Variants in SYN3 observed in about 807,000 individuals in gnomAD.
The protein encoded by SYN3 is synapsin III.
Under a neutral mutation model 65.8 loss-of-function variants are expected in SYN3, and 35 were observed. The ratio of observed to expected loss-of-function variants is 0.53; its 90% CI spans 0.41 to 0.70. The LOEUF (loss-of-function observed/expected upper bound fraction) is 0.70, where lower values mean the gene tolerates loss of function less well. SYN3 is among the 30% of genes least tolerant of loss of function. The probability of loss-of-function intolerance (pLI) is 0.00; values close to 1 mark genes in which losing one functional copy is unlikely to be tolerated. For synonymous variants in SYN3, 270 were observed against 292.9 expected (o/e 0.92, Z 0.80); for missense variants, 680 against 749.0 (o/e 0.91, Z 1.08).
At chr22:32,596,184 T>G (rs1268963674) in intron 7 of SYN3, among the ~76,000 whole-genome samples, 2 of 152,140 alleles carry the variant, frequency 1.3e-5, no homozygotes, top group Non-Finnish European at 2.9e-5. Context: ...GTTGAAAGTT[T>G]CCTGAGGCCT....
intron 6 of SYN3, among the ~76,000 whole-genome samples, chr22:32,832,532 T>A (rs1776932049): frequency 6.7e-6 from 1 of 148,554 alleles, no homozygotes; most frequent in African/African-American, 2.5e-5. Context: ...TTCTACGTAA[T>A]AAGCCTGGGT....
intron 6 of SYN3, among the ~76,000 whole-genome samples, chr22:32,651,402 C>T (rs190680514): frequency 1.3e-5 from 2 of 152,194 alleles, no homozygotes; most frequent in East Asian, 1.9e-4. Context: ...AGGAGGTCTC[C>T]AGCTGGCCTC....
intron 6 of SYN3, among the ~76,000 whole-genome samples, chr22:32,805,230 G>A (rs1246698371): frequency 2.0e-5 from 3 of 152,166 alleles, no homozygotes; most frequent in African/African-American, 7.2e-5. Context: ...TTGAGCATGA[G>A]GCTCAGCTGG....
At chr22:32,680,003 T>C (rs1339200812) in intron 6 of SYN3, among the ~76,000 whole-genome samples, 1 of 152,106 alleles carries the variant, frequency 6.6e-6, no homozygotes, top group Admixed American at 6.5e-5. Context: ...CCCACTAGAA[T>C]ATAAACTCCA....
intron 2 of SYN3, among the ~76,000 whole-genome samples, chr22:32,991,362 T>C (rs1336448830): frequency 2.0e-5 from 3 of 148,750 alleles, no homozygotes; most frequent in Non-Finnish European, 4.4e-5. Context: ...ATAATAATAA[T>C]AATAATAATA....
At chr22:32,665,482 A>G (rs2060277527) in intron 6 of SYN3, among the ~76,000 whole-genome samples, 2 of 122,292 alleles carry the variant, frequency 1.6e-5, no homozygotes, top group Admixed American at 1.6e-4. Context: ...AGTATGCCAC[A>G]GTGTGTGTAT....
intron 6 of SYN3, chr22:32,858,056 A>G (rs2048422828): frequency 3.7e-6 from 6 of 1,614,034 alleles, no homozygotes; most frequent in South Asian, 1.1e-5. Flanking sequence ...GGGCTGTGCA[A>G]CTTCGTGGAG....
intron 6 of SYN3, among the ~76,000 whole-genome samples, chr22:32,731,109 C>T (rs2061264812): frequency 6.6e-6 from 1 of 152,188 alleles, no homozygotes; most frequent in Admixed American, 6.5e-5. Context: ...TCTGCCTCAT[C>T]CACCCAGGCA....
intron 6 of SYN3, among the ~76,000 whole-genome samples, chr22:32,710,243 G>T (rs1372078965): frequency 6.6e-6 from 1 of 151,504 alleles, no homozygotes; most frequent in Non-Finnish European, 1.5e-5. Context: ...GGCCTGGTGG[G>T]AGGTGATTGG....
At position 32,993,558 on chromosome 22, in the gene SYN3, C is replaced by A. The variant is rs183699051; in HGVS notation, c.311+12794G>T. On this transcript the variant is annotated intron_variant, in intron 2 of 13. Transcript: ENST00000358763. ...ATGGGGTTTCACCATATTGGCCAGG[C>A]TGGTCTCGAACTCCTAACTTTGTGA... is the stretch of plus-strand genomic sequence containing the variant. Among the ~76,000 whole-genome samples, 9 of 152,294 alleles carry A rather than the reference C, an allele frequency of 5.9e-5. No homozygotes were observed. In the East Asian group the frequency reaches 9.7e-4, roughly 16 times the overall value.
chr22:32,795,657 G>A (rs571961905), intron 6 of SYN3, among the ~76,000 whole-genome samples: 33 of 152,284 alleles, frequency 2.2e-4, no homozygotes, highest in African/African-American at 7.7e-4. Flanking sequence ...TAAAAGGGAA[G>A]GGGAGAGAGC....
chr22:32,884,965 G>A (rs889971436), intron 4 of SYN3, among the ~76,000 whole-genome samples: 5 of 152,140 alleles, frequency 3.3e-5, no homozygotes, highest in African/African-American at 7.2e-5. Flanking sequence ...TGGCTCGACC[G>A]TAATTTATTT....
At chr22:33,027,549 A>C (rs761934896) in intron 1 of SYN3, among the ~76,000 whole-genome samples, 2 of 151,968 alleles carry the variant, frequency 1.3e-5, no homozygotes, top group Non-Finnish European at 2.9e-5. Context: ...GTGAGCCGAG[A>C]TTACACCACT....
At chr22:32,803,316 C>T (rs899378503) in intron 6 of SYN3, among the ~76,000 whole-genome samples, 8 of 151,590 alleles carry the variant, frequency 5.3e-5, no homozygotes, top group Non-Finnish European at 8.8e-5. Context: ...ACTCTACCAG[C>T]GTGTTGTGGT....
chr22:32,976,896 T>C (rs2052206994), intron 3 of SYN3, among the ~76,000 whole-genome samples: 1 of 152,034 alleles, frequency 6.6e-6, no homozygotes, highest in Non-Finnish European at 1.5e-5. Flanking sequence ...GGCCCTTGGT[T>C]GGGAGACAGG....
At chr22:32,789,919 G>A (rs1219776285) in intron 6 of SYN3, among the ~76,000 whole-genome samples, 2 of 152,234 alleles carry the variant, frequency 1.3e-5, no homozygotes, top group Non-Finnish European at 2.9e-5. Flanking sequence ...AATATTGACA[G>A]TGACTATTCA....
chr22:32,561,479 A>G (rs1227009431), intron 7 of SYN3, among the ~76,000 whole-genome samples: 2 of 152,090 alleles, frequency 1.3e-5, no homozygotes, highest in African/African-American at 4.8e-5. Flanking sequence ...AGTCTCCAGA[A>G]TTTGTCACTC....
chr22:33,046,337 G>A (rs1256575655), intron 1 of SYN3, among the ~76,000 whole-genome samples: 3 of 152,232 alleles, frequency 2.0e-5, no homozygotes, highest in African/African-American at 4.8e-5. Flanking sequence ...CAACTCTTGG[G>A]TATTTACCTT....
At chr22:32,557,303 A>G (rs576338632) in intron 7 of SYN3, among the ~76,000 whole-genome samples, 13 of 152,054 alleles carry the variant, frequency 8.5e-5, no homozygotes, top group Non-Finnish European at 1.9e-4. Flanking sequence ...CCTGATTCAC[A>G]AGGGGAGGGG....
Sources: allele counts gnomAD v4.1 joint callset (sites outside exome capture counted in the v4.1 genomes callset), GRCh38; gene constraint gnomAD v4.1.1; transcripts MANE v1.5; gene names NCBI Gene and HGNC (gene_info 2026-07-23, HGNC 2026-07-21).